KIAA0408: variants seen among roughly 807,000 people sequenced by gnomAD.
The protein encoded by KIAA0408 is KIAA0408.
A neutral mutation model predicts 60.9 loss-of-function variants in KIAA0408; 51 were observed. The observed-to-expected ratio is 0.84, with a 90% CI of 0.67 to 1.06. KIAA0408 has a LOEUF of 1.06. Among genes scored for constraint, KIAA0408 ranks in the 50% least tolerant of loss-of-function variants. KIAA0408 has a pLI of 0.00. For missense variants in KIAA0408, 787 were observed against 833.9 expected (o/e 0.94, Z 0.69); for synonymous variants, 304 against 282.4 (o/e 1.08, Z -0.77).
chr6:127,444,204 T>C lies in KIAA0408; in HGVS notation c.1990A>G (p.Arg664Gly), dbSNP rs1344884406. ...ARPANRRLPS[R>G]WASRSPSAPP... The stretch of plus-strand genomic sequence containing the variant: ...GCAGATGGAGATCTGGATGCCCATC[T>C]GGAGGGGAGACGACGATTTGCTGGT... The change falls in exon 6 of 6, where the codon AGA becomes GGA. Residue 664 changes from arginine (R) to glycine (G), a missense_variant. Physicochemically the swap from Arg to Gly is moderately radical, Grantham distance 125. Transcript: ENST00000483725. 6.2e-7 allele frequency: 1 copy of C among 1,613,658 alleles called. No homozygotes were observed. The highest frequency in any genetic ancestry group is 8.5e-7 in the Non-Finnish European group (1 of 1,179,838).
chr6:127,451,824 A>C (rs1454130526), intron 2 of KIAA0408, among the ~76,000 whole-genome samples: 1 of 152,128 alleles, frequency 6.6e-6, no homozygotes, highest in African/African-American at 2.4e-5. Context: ...TGAGGTATGA[A>C]TCAACAAATA....
chr6:127,451,569 G>A (rs1009179510), intron 2 of KIAA0408, among the ~76,000 whole-genome samples: 1 of 152,122 alleles, frequency 6.6e-6, no homozygotes, highest in African/African-American at 2.4e-5. Context: ...GAAGTCATGA[G>A]TGAAAACAAA....
At chr6:127,447,887 C>T in intron 4 of KIAA0408, 147 bp from the exon 5 acceptor site, 1 of 1,068,744 alleles carries the variant, frequency 9.4e-7, no homozygotes, top group African/African-American at 1.7e-5. Flanking sequence ...ATCTCCCAGT[C>T]AAAAACTTCA....
At chr6:127,459,091 T>A (rs1773444278) in intron 1 of KIAA0408, 84 bp downstream of exon 1, 1 of 152,188 alleles carries the variant, frequency 6.6e-6, no homozygotes, top group African/African-American at 2.4e-5. Context: ...ACAGTATCCA[T>A]AGTTTAAAAC....
At position 127,446,670 on chromosome 6, in the gene KIAA0408, C is replaced by A. The variant is rs1306693969; in HGVS notation, c.1649G>T (p.Arg550Leu). 1 of 1,613,938 alleles carries A rather than the reference C, an allele frequency of 6.2e-7. No homozygotes were observed. The change falls in exon 5 of 6, where the codon CGT becomes CTT. Residue 550 changes from arginine to leucine, a missense_variant. By Grantham distance (102) the Arg-to-Leu change is moderately radical. Transcript: ENST00000483725. Reference sequence around the variant, plus strand: ...TGACCTGGGATCAGCTGACCTCGGACGGCCAGACAAATTACTCGGTCTCCA... The same window carrying A: ...TGACCTGGGATCAGCTGACCTCGGAAGGCCAGACAAATTACTCGGTCTCCA... ...HDWRPSNLSG[R>L]PRSADPRSNY...
chr6:127,454,215 G>A, intron 1 of KIAA0408, 114 bp from the exon 2 acceptor site: 1 of 1,006,856 alleles, frequency 9.9e-7, no homozygotes, highest in Non-Finnish European at 1.3e-6. Flanking sequence ...GGACTCAAAA[G>A]AAAAGAGATG....
At chr6:127,459,009 A>C (rs551808913) in intron 1 of KIAA0408, among the ~76,000 whole-genome samples, 166 bp downstream of exon 1, 4 of 152,230 alleles carry the variant, frequency 2.6e-5, no homozygotes, top group Non-Finnish European at 5.9e-5. Flanking sequence ...TCTGTTATGC[A>C]CCCCGCCCAC....
At chr6:127,444,324 C>T in intron 5 of KIAA0408, 42 bp from the exon 6 acceptor site, 1 of 1,471,642 alleles carries the variant, frequency 6.8e-7, no homozygotes. Flanking sequence ...CTCTGGGTAC[C>T]AACAATAGGC....
rs1196058628 is a variant in KIAA0408 at position 127,442,678 on chromosome 6, G to A, written c.*1431C>T. 2 of 152,160 alleles carry A rather than the reference G, an allele frequency of 1.3e-5. No individual in the cohort carries two copies. Among genetic ancestry groups the A allele is most frequent in the African/African-American group, 4.8e-5 (2 of 41,446 alleles). 9.4% of individuals were successfully genotyped at this position (152,160 alleles called of 1,614,324 possible). A position where few individuals can be genotyped will look rare whatever the true frequency, so the allele number is the denominator to read the frequency against. On this transcript the variant is annotated 3_prime_UTR_variant, in exon 6 of 6. Transcript: ENST00000483725. Reference sequence around the variant, plus strand: ...CTCAGGTCATGGGGTACAATGAAGTGAATTTCTCTAAATGGTTCAAATACA... The same window carrying A: ...CTCAGGTCATGGGGTACAATGAAGTAAATTTCTCTAAATGGTTCAAATACA...
At chr6:127,451,212 C>A in intron 2 of KIAA0408, 3 of 430,592 alleles carry the variant, frequency 7.0e-6, no homozygotes, top group South Asian at 1.7e-5. Flanking sequence ...TGTTTAACAG[C>A]CGCAATCAAT....
chr6:127,446,349 T>C, intron 5 of KIAA0408, 59 bp downstream of exon 5: 1 of 1,545,764 alleles, frequency 6.5e-7, no homozygotes, highest in South Asian at 1.3e-5. Flanking sequence ...CATATAAACA[T>C]GATTCAGAGC....
rs1271250874 is a variant in KIAA0408 at position 127,440,027 on chromosome 6, G to A, written c.*4082C>T. The A allele has an allele frequency of 2.6e-5, 4 of 152,072 alleles. No individual in the cohort carries two copies. The highest frequency in any genetic ancestry group is 2.6e-4 in the Admixed American group (4 of 15,260). 9.4% of individuals were successfully genotyped at this position (152,072 alleles called of 1,614,324 possible). ...AATCTAAACCGTTACCTACTTTCTAGATTTCTCCATAGCTTCATATAAACA... is the reference window on the plus strand; with the variant it reads ...AATCTAAACCGTTACCTACTTTCTAAATTTCTCCATAGCTTCATATAAACA... On this transcript the variant is annotated 3_prime_UTR_variant, in exon 6 of 6. Transcript: ENST00000483725.
Position 127,446,739 on chromosome 6 carries a change from T to C in KIAA0408, c.1580A>G (p.His527Arg), listed in dbSNP as rs78892092. 8 of 1,613,960 alleles carry C rather than the reference T, an allele frequency of 5.0e-6. No individual in the cohort carries two copies. The highest frequency in any genetic ancestry group is 6.8e-6 in the Non-Finnish European group (8 of 1,180,016). ...ATTTCGATAACTGCGAGGACTTAGG[T>C]GTCCCTGCATTTGTCTTACTAGGCC... Reference protein sequence around the residue: ...TTGLVRQMQGHLSPRSYRNML... With the variant: ...TTGLVRQMQGRLSPRSYRNML... The change falls in exon 5 of 6, where the codon CAC becomes CGC. Residue 527 changes from histidine (H) to arginine (R), a missense_variant. His to Arg is a conservative substitution (Grantham distance 29, BLOSUM62 0). Around this residue, in one of 3 missense-constraint regions of KIAA0408, gnomAD observed 640 missense variants for 681.3 expected, o/e 0.94. Transcript: ENST00000483725.
In KIAA0408 at chr6:127,439,612, A is replaced by G. The variant is rs561451574; in HGVS notation, c.*4497T>C. ...AACAAAAATGAAAAAGAGCTGTTCAATCTTTTTTTTTTTTTGTCTTCTCTT... is the reference window on the plus strand; with the variant it reads ...AACAAAAATGAAAAAGAGCTGTTCAGTCTTTTTTTTTTTTTGTCTTCTCTT... On this transcript the variant is annotated 3_prime_UTR_variant, in exon 6 of 6. Coordinates refer to ENST00000483725, the MANE Select transcript of KIAA0408 (RefSeq NM_014702.5). 7.4e-4 allele frequency: 79 copies of G among 106,468 alleles called. No homozygotes were observed. Among genetic ancestry groups the G allele is most frequent in the Non-Finnish European group, 1.5e-3 (69 of 45,566 alleles). The allele number at this position is 106,468 out of a possible 1,614,324, so 6.6% of individuals were successfully genotyped here.
chr6:127,450,082 A>G lies in KIAA0408; in HGVS notation c.406T>C (p.Leu136=). ...KKSKVGFLDP[L]ATDNQKECEA... ...CATTCCTTTTGGTTGTCTGTAGCCA[A>G]AGGATCCAAAAACCCTACTTTTGAT... The change falls in exon 3 of 6, where the codon TTG becomes CTG. Residue 136 remains leucine (L), a synonymous_variant. Transcript: ENST00000483725. 6.2e-6 allele frequency: 10 copies of G among 1,614,154 alleles called. No individual in the cohort carries two copies. The highest frequency in any genetic ancestry group is 8.5e-6 in the Non-Finnish European group (10 of 1,180,002).
At position 127,444,199 on chromosome 6, in the gene KIAA0408, C is replaced by T. The variant is rs1773149894; in HGVS notation, c.1995G>A (p.Trp665Ter). Residue 665 changes from tryptophan to a stop codon, truncating the protein, a stop_gained, in exon 6 of 6, where the codon TGG becomes TGA. Coordinates refer to ENST00000483725, the MANE Select transcript of KIAA0408 (RefSeq NM_014702.5). LOFTEE classifies it high-confidence loss of function. ...RPANRRLPSR[W>*]ASRSPSAPPA... is the part of the protein sequence containing the mutation. ...GGGGTGCAGATGGAGATCTGGATGCCCATCTGGAGGGGAGACGACGATTTG... is the reference window on the plus strand; with the variant it reads ...GGGGTGCAGATGGAGATCTGGATGCTCATCTGGAGGGGAGACGACGATTTG... The T allele has an allele frequency of 6.2e-7, 1 of 1,613,236 alleles. No individual in the cohort carries two copies. The highest frequency in any genetic ancestry group is 8.5e-7 in the Non-Finnish European group (1 of 1,179,708).
chr6:127,453,804 G>T, intron 2 of KIAA0408, 43 bp downstream of exon 2: 1 of 1,583,750 alleles, frequency 6.3e-7, no homozygotes, highest in East Asian at 2.3e-5. Context: ...TTTTCATCCT[G>T]CACTTAAACA....
Position 127,447,152 on chromosome 6 carries a change from T to C in KIAA0408, c.1167A>G (p.Lys389=). Residue 389 remains lysine, a synonymous_variant, in exon 5 of 6, where the codon AAA becomes AAG. Transcript: ENST00000483725. ...GGTGATCTGGGATCACCATTTCATATTTTGGATTACTGGGGGTAGAGCAGG... is the reference window on the plus strand; with the variant it reads ...GGTGATCTGGGATCACCATTTCATACTTTGGATTACTGGGGGTAGAGCAGG... ...QKTCSTPSNP[K]YEMVIPDHPA... is the part of the protein sequence containing the mutation. The C allele has an allele frequency of 6.2e-7, 1 of 1,613,788 alleles. No individual in the cohort carries two copies. The highest frequency in any genetic ancestry group is 8.5e-7 in the Non-Finnish European group (1 of 1,179,908).
chr6:127,450,590 G>A, intron 2 of KIAA0408: 1 of 414,118 alleles, frequency 2.4e-6, no homozygotes, highest in East Asian at 4.2e-5. Flanking sequence ...CTTTTGACTA[G>A]CAATCAATCA....
Sources: gnomAD v4.1 joint callset for allele counts (sites outside exome capture counted in the v4.1 genomes callset) on GRCh38, gnomAD v4.1.1 for gene constraint, gnomAD v4.1.1 regional missense constraint, MANE v1.5 for transcripts, NCBI Gene and HGNC (gene_info 2026-07-23, HGNC 2026-07-21) for gene names.